The following PRKD2 variants were observed in gnomAD, a reference collection of about 807,000 sequenced individuals.
PRKD2 encodes the protein protein kinase D2.
A neutral mutation model predicts 86.0 loss-of-function variants in PRKD2; 22 were observed. The observed-to-expected ratio is 0.26, with a 90% CI of 0.18 to 0.37. The LOEUF is 0.37. PRKD2 is among the 10% of genes least tolerant of loss of function. The pLI, the probability that PRKD2 is intolerant of heterozygous loss-of-function variation, is 1.00. For synonymous variants in PRKD2, 509 were observed against 510.9 expected (o/e 1.00, Z 0.05); for missense variants, 818 against 1,199.2 (o/e 0.68, Z 4.70).
At chr19:46,708,902 T>A (rs2053757385) in intron 3 of PRKD2, among the ~76,000 whole-genome samples, 1 of 152,034 alleles carries the variant, frequency 6.6e-6, no homozygotes, top group Admixed American at 6.6e-5. Flanking sequence ...ATGTGTCAGC[T>A]TGGCTAGGCG....
chr19:46,683,812 T>C (rs1354464895), intron 14 of PRKD2, among the ~76,000 whole-genome samples: 1 of 152,208 alleles, frequency 6.6e-6, no homozygotes, highest in Non-Finnish European at 1.5e-5. Flanking sequence ...AACCACTGTA[T>C]GTTAGCTGTT....
chr19:46,681,598 C>CCG, intron 15 of PRKD2, 52 bp downstream of exon 15: 1 of 969,338 alleles, frequency 1.0e-6, no homozygotes, highest in Non-Finnish European at 1.5e-6. Flanking sequence ...ACCCCCACCC[C>CCG]GGCCATCAGT....
intron 2 of PRKD2, among the ~76,000 whole-genome samples, chr19:46,713,309 G>A (rs541238680): frequency 6.6e-5 from 10 of 150,932 alleles, no homozygotes; most frequent in African/African-American, 2.4e-4. Flanking sequence ...TTACAGGTGT[G>A]AGCCACTGCA....
chr19:46,710,647 G>T, intron 3 of PRKD2: 1 of 466,688 alleles, frequency 2.1e-6, no homozygotes, highest in Non-Finnish European at 3.9e-6. Flanking sequence ...CCTAGGCTCT[G>T]TTCTTAAGCC....
At chr19:46,680,946 A>ATATATATATATATATATATATTTTTTTT in intron 15 of PRKD2, among the ~76,000 whole-genome samples, 7 of 48,222 alleles carry the variant, frequency 1.5e-4, no homozygotes, top group Non-Finnish European at 1.2e-4. Flanking sequence ...ATATATATAT[A>ATATATATATATATATATATATTTTTTTT]TTTTTTTTTT....
At position 46,674,320 on chromosome 19, in the gene PRKD2, GA is replaced by G. The variant is rs1459659484; in HGVS notation, c.*202del. ...TAATGATTCGAGAGTGCCGTGTGCT[GA>G]GATCAAGGCCATGGGGCCAGAGATG... On this transcript the variant is annotated 3_prime_UTR_variant, in exon 18 of 18. Coordinates refer to ENST00000291281, the MANE Select transcript of PRKD2 (RefSeq NM_016457.5). The G allele has an allele frequency of 1.7e-6, 1 of 590,916 alleles. No individual in the cohort carries two copies. Among genetic ancestry groups the G allele is most frequent in the Non-Finnish European group, 3.0e-6 (1 of 336,356 alleles). The allele number at this position is 590,916 out of a possible 1,614,324, so 36.6% of individuals were successfully genotyped here. A position where few individuals can be genotyped will look rare whatever the true frequency, so the allele number is the denominator to read the frequency against.
Position 46,705,659 on chromosome 19 carries a change from C to T in PRKD2, c.512-1010G>A, listed in dbSNP as rs554076773. ...AAACTTAGCCGGGTGTAGTGGCACA[C>T]GCCTGTAATCCCAGCTACTCCGGAG... On this transcript the variant is annotated intron_variant, in intron 3 of 17. Coordinates refer to ENST00000291281, the MANE Select transcript of PRKD2 (RefSeq NM_016457.5). Among the ~76,000 whole-genome samples the T allele has an allele frequency of 8.5e-5, 13 of 152,158 alleles. No homozygotes were observed. The South Asian group carries it at 2.3e-3, about 27-fold the overall frequency.
intron 1 of PRKD2, chr19:46,714,379 TC>T (rs774796145): frequency 2.2e-4 from 203 of 919,264 alleles, no homozygotes; most frequent in Non-Finnish European, 2.6e-4. Flanking sequence ...CCAGCTTCCT[TC>T]CTGGATCTGT....
In PRKD2 at chr19:46,716,066, C is replaced by A; in HGVS notation, c.240+65G>T. 4 of 1,584,426 alleles carry A rather than the reference C, an allele frequency of 2.5e-6. No homozygotes were observed. In the Admixed American group the frequency reaches 5.3e-5, roughly 21 times the overall value. ...CTCTTCCGCACACCAGGCCCCAGAC[C>A]CCTCTGCCAGCGCCCCCTCCTTCAA... On this transcript the variant is annotated intron_variant, in intron 1 of 17. Transcript: ENST00000291281. The surrounding 1 kb of genome is among the most constrained non-coding windows in gnomAD (Gnocchi z 7.9).
chr19:46,677,031 A>C (rs1359161883), intron 16 of PRKD2: 1 of 147,522 alleles, frequency 6.8e-6, no homozygotes, highest in East Asian at 2.0e-4. Context: ...ACTGCACTCC[A>C]GCGTGGGTGA....
intron 9 of PRKD2, among the ~76,000 whole-genome samples, chr19:46,696,728 T>C (rs1391007492): frequency 6.6e-6 from 1 of 152,032 alleles, no homozygotes; most frequent in Admixed American, 6.6e-5. Context: ...GCACTCCAGC[T>C]GGGCGACAGA....
chr19:46,697,573 A>G (rs552944592), intron 8 of PRKD2, among the ~76,000 whole-genome samples, 160 bp downstream of exon 8: 11 of 147,408 alleles, frequency 7.5e-5, no homozygotes, highest in Admixed American at 2.0e-4. Flanking sequence ...CTTACAGCCC[A>G]CACTTCTAAT....
rs566783733 is a variant in PRKD2 at position 46,704,071 on chromosome 19, G to A, written c.889+98C>T. On this transcript the variant is annotated intron_variant, in intron 5 of 17. Transcript: ENST00000291281. ...GGGCCCTCCCCTTCTGAGGCCCTGG[G>A]GTCCCAAGGCTCAGATCCTTGTGTC... The A allele has an allele frequency of 6.1e-5, 93 of 1,532,944 alleles. 1 individual carries two copies. In the Admixed American group the frequency reaches 1.2e-3, roughly 21 times the overall value. 95.0% of individuals were successfully genotyped at this position (1,532,944 alleles called of 1,614,324 possible).
intron 14 of PRKD2, among the ~76,000 whole-genome samples, chr19:46,686,717 C>T (rs562715197): frequency 1.3e-5 from 2 of 150,454 alleles, no homozygotes; most frequent in East Asian, 2.0e-4. Flanking sequence ...TTTGGGAGGC[C>T]GAGGCGGGTG....
In PRKD2 at chr19:46,674,755, G is replaced by A; in HGVS notation, c.2425-20C>T. 4 of 1,596,828 alleles carry A rather than the reference G, an allele frequency of 2.5e-6. No individual in the cohort carries two copies. Among genetic ancestry groups the A allele is most frequent in the Non-Finnish European group, 3.4e-6 (4 of 1,176,446 alleles). On this transcript the variant is annotated intron_variant, in intron 17 of 17. Coordinates refer to ENST00000291281, the MANE Select transcript of PRKD2 (RefSeq NM_016457.5). Reference sequence around the variant, plus strand: ...GTACTCCTGGGCCCGAGAGAACTGGGGTTAGCTTGGGGTCTGCATTGGAGC... The same window carrying A: ...GTACTCCTGGGCCCGAGAGAACTGGAGTTAGCTTGGGGTCTGCATTGGAGC...
At chr19:46,712,072 A>C (rs1435532029) in intron 2 of PRKD2, among the ~76,000 whole-genome samples, 1 of 149,650 alleles carries the variant, frequency 6.7e-6, no homozygotes, top group Non-Finnish European at 1.5e-5. Flanking sequence ...TGTCTAAAAA[A>C]AAGAAAAAAA....
chr19:46,709,536 T>C (rs1489456716), intron 3 of PRKD2, among the ~76,000 whole-genome samples: 1 of 152,094 alleles, frequency 6.6e-6, no homozygotes, highest in East Asian at 1.9e-4. Context: ...CTTTTTTGTA[T>C]TTTTAGTAGA....
intron 2 of PRKD2, among the ~76,000 whole-genome samples, chr19:46,712,820 A>C (rs2053827546): frequency 6.6e-6 from 1 of 152,196 alleles, no homozygotes; most frequent in African/African-American, 2.4e-5. Flanking sequence ...AGACTGCTCT[A>C]AGGTGCTGAG....
chr19:46,710,406 T>A, intron 3 of PRKD2: 1 of 154,566 alleles, frequency 6.5e-6, no homozygotes, highest in African/African-American at 2.4e-5. Context: ...CAGGCTGGTC[T>A]TGAACTCCTG....
Sources: gnomAD v4.1 joint callset for allele counts (sites outside exome capture counted in the v4.1 genomes callset) on GRCh38, gnomAD v4.1.1 for gene constraint, Gnocchi (gnomAD v3.1) non-coding constraint, MANE v1.5 for transcripts, NCBI Gene and HGNC (gene_info 2026-07-23, HGNC 2026-07-21) for gene names.